Variants in TMTC4 observed in about 807,000 individuals in gnomAD.
TMTC4 encodes protein O-mannosyl-transferase TMTC4.
In TMTC4, 65 loss-of-function variants were observed where a neutral mutation model predicts 86.0. That is an observed-to-expected ratio of 0.76 (90% confidence interval 0.62 to 0.93). The LOEUF (loss-of-function observed/expected upper bound fraction) is 0.93. Ranked by LOEUF, TMTC4 falls within the 40% of genes least tolerant of loss-of-function variation. TMTC4 has a pLI of 0.00. For synonymous variants in TMTC4, 379 were observed against 382.5 expected (o/e 0.99, Z 0.11); for missense variants, 866 against 948.1 (o/e 0.91, Z 1.14).
chr13:100,636,861 A>C, intron 9 of TMTC4, 127 bp from the exon 10 acceptor site: 2 of 960,202 alleles, frequency 2.1e-6, no homozygotes, highest in Non-Finnish European at 3.2e-6. Context: ...ATCAAATAAA[A>C]TGTTGCCAAC....
Position 100,635,006 on chromosome 13 carries a change from A to G in TMTC4, c.1374+18T>C. The G allele has an allele frequency of 6.2e-7, 1 of 1,609,672 alleles. No homozygotes were observed. The highest frequency in any genetic ancestry group is 1.1e-5 in the South Asian group (1 of 90,610). On this transcript the variant is annotated intron_variant, in intron 11 of 18. Transcript: ENST00000342624. ...CCGGTCATTCTGTTCATCAGCTGGC[A>G]CCACTCTCAGTTGATACCTTTTTCT...
At chr13:100,614,486 C>T (rs1878160501) in intron 15 of TMTC4, 56 bp from the exon 16 acceptor site, 3 of 1,135,136 alleles carry the variant, frequency 2.6e-6, no homozygotes, top group Admixed American at 4.7e-5. Context: ...TTCCTCTTTC[C>T]AAGACATTAT....
chr13:100,612,447 G>GAGT lies in TMTC4; in HGVS notation c.2012_2014dup (p.His671_Ser672insTyr). 6.2e-7 allele frequency: 1 copy of GAGT among 1,611,474 alleles called. No homozygotes were observed. Among genetic ancestry groups the GAGT allele is most frequent in the Non-Finnish European group, 8.5e-7 (1 of 1,179,124 alleles). On this transcript the variant is annotated inframe_insertion, in exon 17 of 19. Coordinates refer to ENST00000342624, the MANE Select transcript of TMTC4 (RefSeq NM_032813.5). The stretch of plus-strand genomic sequence containing the variant: ...CACGTTTGCCAACGAGAACATGAGA[G>GAGT]AGTGATCATTAGGTATTAATTCCAG...
chr13:100,674,295 G>C, intron 1 of TMTC4: 1 of 979,236 alleles, frequency 1.0e-6, no homozygotes, highest in Non-Finnish European at 1.2e-6. Context: ...AAGCGGCCCG[G>C]CTGTGTCCAG....
intron 3 of TMTC4, among the ~76,000 whole-genome samples, chr13:100,668,198 G>C (rs1336137083): frequency 6.7e-6 from 1 of 148,764 alleles, no homozygotes; most frequent in East Asian, 2.0e-4. Context: ...GTCCATCACT[G>C]CAGCAAATGC....
chr13:100,618,347 C>T (rs1022538472), intron 15 of TMTC4, among the ~76,000 whole-genome samples: 1 of 151,628 alleles, frequency 6.6e-6, no homozygotes, highest in African/African-American at 2.4e-5. Context: ...TGCCCGACTG[C>T]TCTGGCTAGG....
At chr13:100,607,606 C>A (rs1876862875) in intron 17 of TMTC4, among the ~76,000 whole-genome samples, 1 of 151,040 alleles carries the variant, frequency 6.6e-6, no homozygotes, top group African/African-American at 2.5e-5. Context: ...CTACCTGGGT[C>A]ATACATGAAT....
At chr13:100,666,081 TA>T (rs769936077) in intron 3 of TMTC4, 6 of 456,446 alleles carry the variant, frequency 1.3e-5, no homozygotes, top group South Asian at 7.8e-5. Flanking sequence ...AATATTTGAT[TA>T]AGTGGAGCCT....
intron 15 of TMTC4, among the ~76,000 whole-genome samples, chr13:100,618,543 A>C (rs1388946650): frequency 2.3e-5 from 3 of 128,796 alleles, no homozygotes; most frequent in Non-Finnish European, 4.8e-5. Flanking sequence ...GCAGAGGGGG[A>C]TTTGGCAGGG....
intron 12 of TMTC4, among the ~76,000 whole-genome samples, chr13:100,633,811 G>A (rs1881788000): frequency 6.6e-6 from 1 of 151,474 alleles, no homozygotes; most frequent in Non-Finnish European, 1.5e-5. Flanking sequence ...GTAACACAAT[G>A]GTAAGGATTT....
In TMTC4 at chr13:100,623,645, G is replaced by GT. The variant is rs58766408; in HGVS notation, c.1836+1889dup. 9.5e-4 allele frequency among the ~76,000 whole-genome samples: 108 copies of GT among 113,286 alleles called. 1 individual carries two copies. The highest frequency in any genetic ancestry group is 3.6e-3 in the African/African-American group (103 of 28,630). The allele number at this position is 113,286 out of a possible 152,430, so 74.3% of individuals were successfully genotyped here. ...TTTTGGAAACTACTAGTTGGGTTTT[G>GT]TTTTTTTTTTTTTTTTTTTTTGCAG... is the stretch of plus-strand genomic sequence containing the variant. On this transcript the variant is annotated intron_variant, in intron 15 of 18. Coordinates refer to ENST00000342624, the MANE Select transcript of TMTC4 (RefSeq NM_032813.5).
intron 6 of TMTC4, among the ~76,000 whole-genome samples, chr13:100,655,016 A>ATTTTTTTTTTTTTTTTTTTTTTTTTT (rs35965658): frequency 8.4e-6 from 1 of 118,656 alleles, no homozygotes. Flanking sequence ...CACAACGCCT[A>ATTTTTTTTTTTTTTTTTTTTTTTTTT]TTTTTTTTTT....
intron 6 of TMTC4, among the ~76,000 whole-genome samples, chr13:100,643,389 G>A (rs1297211654): frequency 1.2e-4 from 18 of 152,200 alleles, no homozygotes. Flanking sequence ...CACTGAGCAA[G>A]TGACTTTCAC....
intron 15 of TMTC4, among the ~76,000 whole-genome samples, chr13:100,618,813 C>T (rs372626336): frequency 0.019 from 2,886 of 152,314 alleles, 78 homozygotes; most frequent in African/African-American, 0.057. Context: ...GGGGTAAGGT[C>T]ACCGATTAGC....
At chr13:100,669,810 G>A (rs1480533285) in intron 2 of TMTC4, among the ~76,000 whole-genome samples, 3 of 152,092 alleles carry the variant, frequency 2.0e-5, no homozygotes, top group Non-Finnish European at 4.4e-5. Flanking sequence ...TCCTGGACAG[G>A]TGCTTTCTTT....
At chr13:100,618,533 G>C (rs577242790) in intron 15 of TMTC4, among the ~76,000 whole-genome samples, 16 of 144,508 alleles carry the variant, frequency 1.1e-4, no homozygotes, top group African/African-American at 3.9e-4. Context: ...GGTGTTTCTC[G>C]CAGAGGGGGA....
intron 1 of TMTC4, chr13:100,674,069 G>A (rs1163092322): frequency 1.0e-5 from 10 of 985,084 alleles, no homozygotes; most frequent in Non-Finnish European, 4.8e-6. Flanking sequence ...AACAAGACCA[G>A]AAGCCCCGCA....
Position 100,638,003 on chromosome 13 carries a change from T to C in TMTC4, c.761A>G (p.Asp254Gly). Residue 254 changes from aspartate to glycine, a missense_variant, in exon 8 of 19, where the codon GAC (aspartate) becomes GGC (glycine). Asp to Gly is a moderately conservative substitution (Grantham distance 94, BLOSUM62 -1). Coordinates refer to ENST00000342624, the MANE Select transcript of TMTC4 (RefSeq NM_032813.5). Reference protein sequence around the residue: ...ITVLGLNAVFDILVIGKFNVL... With the variant: ...ITVLGLNAVFGILVIGKFNVL... ...ATTGAATTTGCCTATCACCAAGATG[T>C]CAAATACCGCATTTAAACCCTAAGA... The C allele has an allele frequency of 6.2e-7, 1 of 1,613,974 alleles. No individual in the cohort carries two copies.
At chr13:100,645,944 C>A (rs552492741) in intron 6 of TMTC4, among the ~76,000 whole-genome samples, 4 of 152,176 alleles carry the variant, frequency 2.6e-5, no homozygotes, top group African/African-American at 4.8e-5. Flanking sequence ...TGGTGACAAT[C>A]AAAAATGTCA....
Sources: allele counts gnomAD v4.1 joint callset (sites outside exome capture counted in the v4.1 genomes callset), GRCh38; gene constraint gnomAD v4.1.1; transcripts MANE v1.5; gene names NCBI Gene and HGNC (gene_info 2026-07-23, HGNC 2026-07-21).